RANGAP1: variants seen among roughly 807,000 people sequenced by gnomAD.
The protein encoded by RANGAP1 is Ran GTPase activating protein 1, also known as ran GTPase-activating protein 1.
In RANGAP1, 38 loss-of-function variants were observed where a neutral mutation model predicts 63.5. The ratio of observed to expected loss-of-function variants is 0.60; its 90% CI spans 0.46 to 0.78. The LOEUF is 0.78. Among genes scored for constraint, RANGAP1 ranks in the 30% least tolerant of loss-of-function variants. The probability of loss-of-function intolerance (pLI) is 0.00; values close to 1 mark genes in which losing one functional copy is unlikely to be tolerated. For missense variants in RANGAP1, 630 were observed against 740.3 expected, an observed-to-expected ratio of 0.85 and a Z score of 1.73; for synonymous variants, 329 against 310.5, an observed-to-expected ratio of 1.06 and a Z score of -0.63.
chr22:41,267,371 A>C (rs1401584915), intron 4 of RANGAP1, among the ~76,000 whole-genome samples: 1 of 152,082 alleles, frequency 6.6e-6, no homozygotes. Flanking sequence ...GGGCGCAACC[A>C]GGGTGAGGGG....
chr22:41,254,755 G>T (rs1480648091), intron 10 of RANGAP1: 10 of 512,572 alleles, frequency 2.0e-5, no homozygotes, highest in Non-Finnish European at 2.3e-5. Context: ...GGTGGATCAT[G>T]AGGTCAGGAG....
Position 41,258,013 on chromosome 22 carries a change from G to A in RANGAP1, c.709C>T (p.Leu237=), listed in dbSNP as rs2033946119. 1 of 1,613,362 alleles carries A rather than the reference G, an allele frequency of 6.2e-7. No individual in the cohort carries two copies. The highest frequency in any genetic ancestry group is 1.7e-5 in the Admixed American group (1 of 59,948). ...TCATTCAGGTTGATGACCCGCAGCA[G>A]GGGGTTGACAGCGAAAGCCTGGGCC... The part of the protein sequence containing the change: ...ALAQAFAVNP[L]LRVINLNDNT... Residue 237 remains leucine, a synonymous_variant, in exon 7 of 16, where the codon CTG becomes TTG. Coordinates refer to ENST00000356244, the MANE Select transcript of RANGAP1 (RefSeq NM_002883.4).
At chr22:41,263,091 G>A (rs532476925) in intron 5 of RANGAP1, among the ~76,000 whole-genome samples, 2 of 152,142 alleles carry the variant, frequency 1.3e-5, no homozygotes, top group African/African-American at 4.8e-5. Flanking sequence ...TCAAACTCCA[G>A]GGTAGGCCTG....
chr22:41,285,199 C>A (rs1438737042), intron 1 of RANGAP1: 2 of 152,288 alleles, frequency 1.3e-5, no homozygotes, highest in East Asian at 3.9e-4. Flanking sequence ...AAAAAATTAA[C>A]CTGAAACCCC....
At chr22:41,286,402 T>A (rs1181539855), upstream of RANGAP1, among the ~76,000 whole-genome samples, 1 of 152,232 alleles carries the variant, frequency 6.6e-6, no homozygotes, top group Non-Finnish European at 1.5e-5. Context: ...GCCCTCCTCT[T>A]CGCCCTCCCC....
At chr22:41,291,758 G>A in the RANGAP1 span, among the ~76,000 whole-genome samples, 2 of 150,796 alleles carry the variant, frequency 1.3e-5, no homozygotes, top group Admixed American at 6.6e-5. Context: ...AAAATTAGCC[G>A]GGCGTGATGG....
At position 41,249,355 on chromosome 22, in the gene RANGAP1, G is replaced by T; in HGVS notation, c.1669C>A (p.Pro557Thr). The change falls in exon 15 of 16, where the codon CCC becomes ACC. Residue 557 changes from proline (P) to threonine (T), a missense_variant. Around this residue, in one of 3 missense-constraint regions of RANGAP1, gnomAD observed 428 missense variants for 465.5 expected, o/e 0.92. Coordinates refer to ENST00000356244, the MANE Select transcript of RANGAP1 (RefSeq NM_002883.4). ...QQDYFPKALA[P>T]LLLAFVTKPN... ...TTGGTCACGAACGCCAGCAGCAGGG[G>T]TGCAAGGGCCTTGGGGAAATAGTCC... is the stretch of plus-strand genomic sequence containing the variant. 6.2e-7 allele frequency: 1 copy of T among 1,611,034 alleles called. No homozygotes were observed. The highest frequency in any genetic ancestry group is 8.5e-7 in the Non-Finnish European group (1 of 1,178,188).
intron 14 of RANGAP1, 29 bp from the exon 15 acceptor site, chr22:41,249,480 G>A (rs377089145): frequency 1.9e-5 from 30 of 1,575,788 alleles, no homozygotes; most frequent in Non-Finnish European, 2.4e-5. Context: ...AAAGCGGGGT[G>A]AGCTTCAAAG....
At chr22:41,251,305 G>A (rs1015957174) in intron 12 of RANGAP1, among the ~76,000 whole-genome samples, 196 bp from the exon 13 acceptor site, 8 of 152,098 alleles carry the variant, frequency 5.3e-5, no homozygotes, top group African/African-American at 1.9e-4. Flanking sequence ...CATAGAGAGG[G>A]AATGAATGAG....
chr22:41,249,898 G>A (rs887748748), intron 13 of RANGAP1, 81 bp from the exon 14 acceptor site: 44 of 1,275,058 alleles, frequency 3.5e-5, no homozygotes, highest in African/African-American at 1.2e-4. Context: ...CCCCAACACC[G>A]CGCAGACACA....
the RANGAP1 span, among the ~76,000 whole-genome samples, chr22:41,299,663 A>G: frequency 6.6e-6 from 1 of 152,330 alleles, no homozygotes; most frequent in African/African-American, 2.4e-5. Context: ...CAGCTTTAAC[A>G]TGGGGACATA....
intron 3 of RANGAP1, among the ~76,000 whole-genome samples, chr22:41,270,760 C>A (rs376044503): frequency 2.6e-5 from 4 of 152,182 alleles, no homozygotes; most frequent in African/African-American, 4.8e-5. Flanking sequence ...ATAAAGCAGA[C>A]CATGAACACA....
chr22:41,263,300 C>T (rs565414810), intron 5 of RANGAP1, among the ~76,000 whole-genome samples: 2 of 152,342 alleles, frequency 1.3e-5, no homozygotes, highest in Admixed American at 1.3e-4. Context: ...TCTGGCTCTC[C>T]CAGCGTATGC....
At chr22:41,292,669 C>T in the RANGAP1 span, among the ~76,000 whole-genome samples, 1 of 151,998 alleles carries the variant, frequency 6.6e-6, no homozygotes, top group East Asian at 2.0e-4. Context: ...ATCGCTTGAA[C>T]CCGGGAGGCG....
chr22:41,301,362 G>A, the RANGAP1 span, among the ~76,000 whole-genome samples: 1 of 152,316 alleles, frequency 6.6e-6, no homozygotes, highest in Admixed American at 6.5e-5. Context: ...AGAAAATAAA[G>A]GTGAATTCCA....
At chr22:41,274,544 G>C (rs914722548) in intron 3 of RANGAP1, 56 bp downstream of exon 3, 17 of 1,603,878 alleles carry the variant, frequency 1.1e-5, no homozygotes, top group Non-Finnish European at 1.3e-5. Context: ...GGTTGTGGAA[G>C]TGTGAACAGA....
chr22:41,290,054 T>C (rs9623372), upstream of RANGAP1, among the ~76,000 whole-genome samples: 8,485 of 151,104 alleles, frequency 0.056, 789 homozygotes, highest in African/African-American at 0.2. Context: ...TGCAGGAGGA[T>C]CCTTGAGCCC....
chr22:41,280,672 C>G, intron 2 of RANGAP1: 2 of 1,411,220 alleles, frequency 1.4e-6, no homozygotes, highest in Non-Finnish European at 1.9e-6. Context: ...TGTGGCCCCT[C>G]ATTACCTATC....
At chr22:41,278,797 T>G (rs995787440) in intron 2 of RANGAP1, among the ~76,000 whole-genome samples, 6 of 152,084 alleles carry the variant, frequency 3.9e-5, no homozygotes, top group Non-Finnish European at 8.8e-5. Context: ...GGTCAAGAAT[T>G]CAAAACCAGC....
Sources: gnomAD v4.1 joint callset for allele counts (sites outside exome capture counted in the v4.1 genomes callset) on GRCh38, gnomAD v4.1.1 for gene constraint, gnomAD v4.1.1 regional missense constraint, MANE v1.5 for transcripts, NCBI Gene and HGNC (gene_info 2026-07-23, HGNC 2026-07-21) for gene names.